KAZN: variants seen among roughly 807,000 people sequenced by gnomAD.
KAZN encodes kazrin, periplakin interacting protein, also known as kazrin.
A neutral mutation model predicts 87.4 loss-of-function variants in KAZN; 40 were observed. The observed-to-expected ratio is 0.46, with a 90% CI of 0.36 to 0.60. The LOEUF (loss-of-function observed/expected upper bound fraction) is 0.60, where lower values mean the gene tolerates loss of function less well. KAZN is among the 20% of genes least tolerant of loss of function. The pLI is 0.00. For missense variants in KAZN, 898 were observed against 1,073.9 expected (o/e 0.84, Z 2.29); for synonymous variants, 466 against 458.3 (o/e 1.02, Z -0.22).
At chr1:14,026,137 A>G (rs1641059441) in intron 1 of KAZN, among the ~76,000 whole-genome samples, 1 of 152,334 alleles carries the variant, frequency 6.6e-6, no homozygotes, top group East Asian at 1.9e-4. Context: ...ATGATAATGT[A>G]TTAAATCTTC....
At chr1:15,098,836 C>T (rs1019428736) in intron 10 of KAZN, among the ~76,000 whole-genome samples, 14 of 152,332 alleles carry the variant, frequency 9.2e-5, no homozygotes, top group Non-Finnish European at 1.5e-4. Context: ...TCCACACATT[C>T]GACTATGAGA....
chr1:14,260,284 C>A (rs1050030430), intron 2 of KAZN, among the ~76,000 whole-genome samples: 1 of 152,100 alleles, frequency 6.6e-6, no homozygotes, highest in Admixed American at 6.5e-5. Context: ...ACAAAAGAAA[C>A]AAGTAAAACC....
chr1:14,125,607 GTTCCC>G (rs1204875927), intron 1 of KAZN, among the ~76,000 whole-genome samples: 1 of 152,126 alleles, frequency 6.6e-6, no homozygotes, highest in Non-Finnish European at 1.5e-5. Flanking sequence ...AGGGACTATG[GTTCCC>G]TGGAGACTTT....
At chr1:14,993,482 AATC>A (rs767517961) in intron 2 of KAZN, among the ~76,000 whole-genome samples, 2 of 151,492 alleles carry the variant, frequency 1.3e-5, no homozygotes, top group South Asian at 2.1e-4. Flanking sequence ...AAAAAAAAAT[AATC>A]ATCATCATCA....
At chr1:14,040,978 A>T (rs1641815054) in intron 1 of KAZN, among the ~76,000 whole-genome samples, 1 of 152,156 alleles carries the variant, frequency 6.6e-6, no homozygotes, top group Non-Finnish European at 1.5e-5. Context: ...TAACCAAGTA[A>T]TGCACATGTA....
chr1:14,472,171 A>G (rs1428310743), intron 2 of KAZN, among the ~76,000 whole-genome samples: 4 of 152,138 alleles, frequency 2.6e-5, no homozygotes, highest in Admixed American at 6.5e-5. Context: ...TGCCCTCATC[A>G]CTTAATCAGG....
At chr1:14,234,817 C>T (rs1294853402) in intron 2 of KAZN, among the ~76,000 whole-genome samples, 2 of 152,232 alleles carry the variant, frequency 1.3e-5, no homozygotes, top group African/African-American at 4.8e-5. Flanking sequence ...TTTGGCAAAG[C>T]AGGTTGGCAT....
Position 15,043,867 on chromosome 1 carries a change from T to C in KAZN, c.556-122T>C, listed in dbSNP as rs556040294. ...ACCATGTTAGCCAGGATGGTCTCAA[T>C]CTCCTGACCTCGTGACCCCACTTCT... On this transcript the variant is annotated intron_variant, in intron 3 of 14. Coordinates refer to ENST00000376030, the MANE Select transcript of KAZN (RefSeq NM_201628.3). 4.7e-5 allele frequency: 45 copies of C among 961,836 alleles called. No individual in the cohort carries two copies. The African/African-American group carries it at 6.0e-4, about 13-fold the overall frequency. The allele number at this position is 961,836 out of a possible 1,614,324, so 59.6% of individuals were successfully genotyped here.
chr1:13,912,358 A>G (rs1639684760), intron 1 of KAZN, among the ~76,000 whole-genome samples: 1 of 152,142 alleles, frequency 6.6e-6, no homozygotes, highest in South Asian at 2.1e-4. Context: ...TTGTGGGCAC[A>G]CACTTCAGAT....
chr1:14,267,776 A>G (rs1651608776), intron 2 of KAZN, among the ~76,000 whole-genome samples: 1 of 152,140 alleles, frequency 6.6e-6, no homozygotes, highest in Admixed American at 6.5e-5. Flanking sequence ...CCTGGCCAAC[A>G]TGGAGAAACC....
intron 2 of KAZN, among the ~76,000 whole-genome samples, chr1:14,428,218 G>A (rs1003071126): frequency 2.6e-5 from 4 of 152,126 alleles, no homozygotes; most frequent in Non-Finnish European, 4.4e-5. Flanking sequence ...ACTCTTTCAG[G>A]TGCTAGCTCA....
intron 1 of KAZN, among the ~76,000 whole-genome samples, chr1:13,915,695 C>T (rs1379441918): frequency 6.6e-6 from 1 of 152,204 alleles, no homozygotes; most frequent in East Asian, 1.9e-4. Flanking sequence ...GAGAGAGGAC[C>T]CAGGTCATGA....
chr1:14,916,811 G>C (rs1657865537), intron 1 of KAZN, among the ~76,000 whole-genome samples: 1 of 152,018 alleles, frequency 6.6e-6, no homozygotes, highest in African/African-American at 2.4e-5. Flanking sequence ...GTACTTGGGA[G>C]ACTGAGGCAG....
chr1:14,633,435 C>G (rs779269492), intron 1 of KAZN, among the ~76,000 whole-genome samples: 1 of 152,122 alleles, frequency 6.6e-6, no homozygotes, highest in Non-Finnish European at 1.5e-5. Context: ...TAGAAGGGGC[C>G]TTGAGCCAAG....
intron 1 of KAZN, among the ~76,000 whole-genome samples, chr1:14,661,537 G>T (rs1054849653): frequency 2.6e-5 from 4 of 152,120 alleles, no homozygotes; most frequent in African/African-American, 9.7e-5. Flanking sequence ...ATTTGGCTAT[G>T]TTCCAATAAA....
intron 2 of KAZN, among the ~76,000 whole-genome samples, chr1:14,529,581 C>G (rs1322282867): frequency 6.6e-6 from 1 of 152,018 alleles, no homozygotes; most frequent in Non-Finnish European, 1.5e-5. Flanking sequence ...TTTCTTGAAG[C>G]CAGTGTGGAG....
At chr1:14,955,274 G>A (rs1662949278) in intron 1 of KAZN, among the ~76,000 whole-genome samples, 1 of 152,256 alleles carries the variant, frequency 6.6e-6, no homozygotes, top group African/African-American at 2.4e-5. Context: ...CAGTGTGCCA[G>A]GCACATGTAA....
intron 2 of KAZN, among the ~76,000 whole-genome samples, chr1:14,404,467 TCAGTGTGCTGGAAC>T (rs1163799517): frequency 9.2e-5 from 14 of 152,156 alleles, no homozygotes; most frequent in African/African-American, 3.4e-4. Flanking sequence ...ATCTCCCGTA[TCAGTGTGCTGGAAC>T]AACAAGGTAC....
In KAZN at chr1:14,926,238, G is replaced by A. The variant is rs184137085; in HGVS notation, c.227-34446G>A. 1.1e-4 allele frequency among the ~76,000 whole-genome samples: 16 copies of A among 152,334 alleles called. No individual in the cohort carries two copies. In the East Asian group the frequency reaches 2.9e-3, roughly 28 times the overall value. ...TCTGTAAAATACTAAAGTGATCTGA[G>A]GCTGAGTGTTGTGTCAGTGGGAGTT... On this transcript the variant is annotated intron_variant, in intron 1 of 14. Transcript: ENST00000376030.
Sources: gnomAD v4.1 joint callset for allele counts (sites outside exome capture counted in the v4.1 genomes callset) on GRCh38, gnomAD v4.1.1 for gene constraint, MANE v1.5 for transcripts, NCBI Gene and HGNC (gene_info 2026-07-23, HGNC 2026-07-21) for gene names.